RHNO1: variants seen among roughly 807,000 people sequenced by gnomAD.
RHNO1 encodes RAD9-HUS1-RAD1 interacting nuclear orphan 1.
In RHNO1, 9 loss-of-function variants were observed where a neutral mutation model predicts 7.2. That is an observed-to-expected ratio of 1.25 (90% CI 0.75 to 2.18). The LOEUF is 2.18. RHNO1 is among the 30% of genes most tolerant of loss of function. RHNO1 has a pLI of 0.00. For missense variants in RHNO1, 292 were observed against 284.5 expected, an observed-to-expected ratio of 1.03 and a Z score of -0.19; for synonymous variants, 95 against 107.5, an observed-to-expected ratio of 0.88 and a Z score of 0.72.
intron 1 of RHNO1, among the ~76,000 whole-genome samples, chr12:2,883,538 AC>A (rs2098161750): frequency 1.6e-5 from 1 of 63,668 alleles, no homozygotes; most frequent in Non-Finnish European, 3.2e-5. Context: ...TTTTTTTGAG[AC>A]GGAGTTTCAC....
At chr12:2,883,428 T>C (rs530064517) in intron 1 of RHNO1, among the ~76,000 whole-genome samples, 14 of 143,836 alleles carry the variant, frequency 9.7e-5, no homozygotes, top group Admixed American at 7.8e-4. Context: ...TATTTGTTAA[T>C]GTTAAAGAAT....
intron 1 of RHNO1, among the ~76,000 whole-genome samples, chr12:2,878,435 A>T (rs1477931389): frequency 1.3e-5 from 2 of 151,990 alleles, no homozygotes; most frequent in Non-Finnish European, 2.9e-5. Context: ...GAGCTAATCG[A>T]CCTGAATGGA....
At chr12:2,879,218 G>A (rs2153944174) in intron 1 of RHNO1, among the ~76,000 whole-genome samples, 1 of 152,032 alleles carries the variant, frequency 6.6e-6, no homozygotes, top group Admixed American at 6.6e-5. Flanking sequence ...TGCCCAGATT[G>A]ATCTTGAACT....
At chr12:2,881,518 G>A (rs2098157582) in intron 1 of RHNO1, among the ~76,000 whole-genome samples, 2 of 152,004 alleles carry the variant, frequency 1.3e-5, no homozygotes, top group South Asian at 4.1e-4. Flanking sequence ...CACACAGTAG[G>A]CACTCAGTAA....
rs10558952 is a variant in RHNO1, at chr12:2,885,561, A to ATTT, written c.168+56_168+58dup. 2.3e-3 allele frequency: 925 copies of ATTT among 398,454 alleles called. 5 individuals are homozygous for ATTT. Among genetic ancestry groups the ATTT allele is most frequent in the South Asian group, 5.5e-3 (142 of 25,736 alleles). The allele number at this position is 398,454 out of a possible 1,614,324, so 24.7% of individuals were successfully genotyped here. ...TAGGCCCATGGGATTACTATTTGAC[A>ATTT]TTTTTTTTTTTTTTTTTTTTTTTTT... On this transcript the variant is annotated intron_variant, in intron 2 of 2. Transcript: ENST00000489288.
Position 2,888,277 on chromosome 12 carries a change from C to G in RHNO1, c.535C>G (p.Leu179Val). The change falls in exon 3 of 3, where the codon CTT becomes GTT. Residue 179 changes from leucine (L) to valine (V), a missense_variant. By Grantham distance (32) the Leu-to-Val change is conservative. Transcript: ENST00000489288. Reference protein sequence around the residue: ...LIPQDQKENSLLSCTLHTGTP... With the variant: ...LIPQDQKENSVLSCTLHTGTP... Reference sequence around the variant, plus strand: ...TCCCCAAGATCAGAAGGAAAACAGCCTTCTAAGCTGCACTCTTCACACTGG... The same window carrying G: ...TCCCCAAGATCAGAAGGAAAACAGCGTTCTAAGCTGCACTCTTCACACTGG... 1 of 1,614,086 alleles carries G rather than the reference C, an allele frequency of 6.2e-7. No individual in the cohort carries two copies. Among genetic ancestry groups the G allele is most frequent in the Non-Finnish European group, 8.5e-7 (1 of 1,180,014 alleles).
intron 1 of RHNO1, among the ~76,000 whole-genome samples, chr12:2,882,615 A>G (rs1420035445): frequency 1.3e-5 from 2 of 150,818 alleles, no homozygotes; most frequent in African/African-American, 5.0e-5. Context: ...AGGGTGGAGA[A>G]TTTCTTGAAC....
chr12:2,887,836 C>G (rs2098167367), intron 2 of RHNO1, 75 bp from the exon 3 acceptor site: 8 of 1,209,338 alleles, frequency 6.6e-6, no homozygotes, highest in Non-Finnish European at 8.0e-6. Flanking sequence ...ATTTAAGAGT[C>G]TGGTCATCAG....
chr12:2,888,662 G>C lies in RHNO1; in HGVS notation c.*203G>C. The C allele has an allele frequency of 2.4e-6, 1 of 419,536 alleles. No individual in the cohort carries two copies. 26.0% of individuals were successfully genotyped at this position (419,536 alleles called of 1,614,324 possible). A position where few individuals can be genotyped will look rare whatever the true frequency, so the allele number is the denominator to read the frequency against. The stretch of plus-strand genomic sequence containing the variant: ...CCTGCCTCAGCCTCCCCAGTAGCTG[G>C]GATTACAGGCACCAGCCACCATGCC... On this transcript the variant is annotated 3_prime_UTR_variant, in exon 3 of 3. Transcript: ENST00000489288.
chr12:2,877,069 G>C (rs2098146427), upstream of RHNO1: 1 of 152,098 alleles, frequency 6.6e-6, no homozygotes, highest in Admixed American at 6.5e-5. Context: ...GGGAACCCCG[G>C]GGGATCCCGG....
intron 1 of RHNO1, among the ~76,000 whole-genome samples, chr12:2,880,842 T>C (rs2098156647): frequency 6.6e-6 from 1 of 151,958 alleles, no homozygotes; most frequent in Non-Finnish European, 1.5e-5. Flanking sequence ...TCTCTCTATG[T>C]TGCCCAGGCT....
In RHNO1 at chr12:2,889,128, G is replaced by A. The variant is rs1204651812; in HGVS notation, c.*669G>A. On this transcript the variant is annotated 3_prime_UTR_variant, in exon 3 of 3. Transcript: ENST00000489288. ...TGTCAGGCTCAGTGGCAGCTTCTAC[G>A]ACCTGATGGATGGAAAAAAATCAAA... 1.3e-5 allele frequency: 2 copies of A among 152,010 alleles called. No individual in the cohort carries two copies. Among genetic ancestry groups the A allele is most frequent in the East Asian group, 1.9e-4 (1 of 5,188 alleles). The allele number at this position is 152,010 out of a possible 1,614,324, so 9.4% of individuals were successfully genotyped here.
At position 2,887,958 on chromosome 12, in the gene RHNO1, C is replaced by T; in HGVS notation, c.216C>T (p.Tyr72=). 6.2e-7 allele frequency: 1 copy of T among 1,612,434 alleles called. No homozygotes were observed. The highest frequency in any genetic ancestry group is 1.1e-5 in the South Asian group (1 of 90,888). ...CAGCAGGAAGCTTGTTCCCAGCCTA[C>T]CAGAAACACCAAAACCGGGCGAGAC... ...DTAAGSLFPA[Y]QKHQNRARHS... The change falls in exon 3 of 3, where the codon TAC becomes TAT. Residue 72 remains tyrosine (Y), a synonymous_variant. Transcript: ENST00000489288.
chr12:2,886,172 T>C (rs1434946195), intron 2 of RHNO1: 1 of 152,210 alleles, frequency 6.6e-6, no homozygotes, highest in Non-Finnish European at 1.5e-5. Flanking sequence ...AAAGTTTTTT[T>C]ACCCATTAGC....
chr12:2,884,033 C>T (rs543719915), intron 1 of RHNO1, among the ~76,000 whole-genome samples: 40 of 152,086 alleles, frequency 2.6e-4, no homozygotes, highest in African/African-American at 7.5e-4. Flanking sequence ...AGTCCAAACT[C>T]ATATGGTGTC....
In RHNO1 at chr12:2,889,225, G is replaced by C. The variant is rs562679022; in HGVS notation, c.*766G>C. The C allele has an allele frequency of 6.6e-6, 1 of 152,116 alleles. No individual in the cohort carries two copies. The highest frequency in any genetic ancestry group is 1.5e-5 in the Non-Finnish European group (1 of 68,032). The allele number at this position is 152,116 out of a possible 1,614,324, so 9.4% of individuals were successfully genotyped here. ...CTGCTGAAAAGGCAAGAAGAAGAAA[G>C]GGCAGCAAGCCCTGTTTTAGGGACT... On this transcript the variant is annotated 3_prime_UTR_variant, in exon 3 of 3. Coordinates refer to ENST00000489288, the MANE Select transcript of RHNO1 (RefSeq NM_001252499.3).
rs761187450 is a variant in RHNO1, at chr12:2,887,907, T to TA, written c.169-2dup. 5.8e-6 allele frequency: 9 copies of TA among 1,539,412 alleles called. No individual in the cohort carries two copies. Among genetic ancestry groups the TA allele is most frequent in the African/African-American group, 2.8e-5 (2 of 71,766 alleles). The stretch of plus-strand genomic sequence containing the variant: ...GCTCACCTCACTTTTTTTTTTTTTT[T>TA]AAGGTATCACCTGATTTTGATACAG... On this transcript the variant is annotated splice_region_variant and splice_polypyrimidine_tract_variant and intron_variant, in intron 2 of 2. Coordinates refer to ENST00000489288, the MANE Select transcript of RHNO1 (RefSeq NM_001252499.3).
chr12:2,885,592 T>G lies in RHNO1; in HGVS notation c.168+58T>G, dbSNP rs982334547. ...TTTTTTTTTTTTTTTTTTTTTTTTT[T>G]GAGACGGAGTCTCGCTCTATCGCCC... is the stretch of plus-strand genomic sequence containing the variant. On this transcript the variant is annotated intron_variant, in intron 2 of 2. Transcript: ENST00000489288. The G allele has an allele frequency of 2.8e-4, 320 of 1,155,856 alleles. 1 individual carries two copies. Among genetic ancestry groups the G allele is most frequent in the Non-Finnish European group, 3.7e-4 (306 of 838,294 alleles). 71.6% of individuals were successfully genotyped at this position (1,155,856 alleles called of 1,614,324 possible). A position where few individuals can be genotyped will look rare whatever the true frequency, so the allele number is the denominator to read the frequency against.
rs531476793 is a variant in RHNO1 at position 2,888,130 on chromosome 12, C to G, written c.388C>G (p.Pro130Ala). The part of the protein sequence containing the change: ...EKDVSRRPLV[P>A]VLSPQSCGNM... Reference sequence around the variant, plus strand: ...GGATGTTTCCAGAAGACCCTTAGTTCCAGTGCTCAGTCCCCAAAGCTGTGG... The same window carrying G: ...GGATGTTTCCAGAAGACCCTTAGTTGCAGTGCTCAGTCCCCAAAGCTGTGG... The change falls in exon 3 of 3, where the codon CCA becomes GCA. Residue 130 changes from proline to alanine, a missense_variant. Transcript: ENST00000489288. 7 of 1,613,928 alleles carry G rather than the reference C, an allele frequency of 4.3e-6. No homozygotes were observed. In the South Asian group the frequency reaches 5.5e-5, roughly 13 times the overall value.
Sources: gnomAD v4.1 joint callset for allele counts (sites outside exome capture counted in the v4.1 genomes callset) on GRCh38, gnomAD v4.1.1 for gene constraint, MANE v1.5 for transcripts, NCBI Gene and HGNC (gene_info 2026-07-23, HGNC 2026-07-21) for gene names.